Variants in ADCY8 observed in about 807,000 individuals in gnomAD.
ADCY8 encodes the protein adenylate cyclase type 8.
ADCY8 carries 51 observed loss-of-function variants against 119.7 expected under a neutral mutation model. The ratio of observed to expected loss-of-function variants is 0.43; its 90% CI spans 0.34 to 0.54. ADCY8 has a LOEUF of 0.54. Ranked by LOEUF, ADCY8 falls within the 20% of genes least tolerant of loss-of-function variation. ADCY8 has a pLI of 0.03. For missense variants in ADCY8, 1,383 were observed against 1,598.8 expected, an observed-to-expected ratio of 0.87 and a Z score of 2.30; for synonymous variants, 665 against 651.0, an observed-to-expected ratio of 1.02 and a Z score of -0.33.
intron 1 of ADCY8, among the ~76,000 whole-genome samples, chr8:130,995,313 GAACT>G (rs1408662664): frequency 1.3e-5 from 2 of 152,280 alleles, no homozygotes; most frequent in Admixed American, 6.5e-5. Context: ...GAGAAGGAAA[GAACT>G]AACATGTACT....
Position 130,904,246 on chromosome 8 carries a change from C to T in ADCY8, c.1641-204G>A, listed in dbSNP as rs375931170. Among the ~76,000 whole-genome samples the T allele has an allele frequency of 1.4e-3, 218 of 152,318 alleles. 2 individuals carry two copies. The highest frequency in any genetic ancestry group is 3.4e-3 in the Middle Eastern group (1 of 294). On this transcript the variant is annotated intron_variant, in intron 6 of 17. Coordinates refer to ENST00000286355, the MANE Select transcript of ADCY8 (RefSeq NM_001115.3). The stretch of plus-strand genomic sequence containing the variant: ...TTCATGAGCACAGTATCACGGACAT[C>T]GTCCCAAGAGACACTGCTGCCTCTG...
chr8:130,847,395 C>G (rs1433280264), intron 11 of ADCY8, 29 bp downstream of exon 11: 1 of 1,539,328 alleles, frequency 6.5e-7, no homozygotes, highest in Non-Finnish European at 9.0e-7. Context: ...ATGTCCAACT[C>G]TCACCAAGGG....
intron 9 of ADCY8, among the ~76,000 whole-genome samples, chr8:130,857,300 T>A (rs1471870325): frequency 6.7e-6 from 1 of 150,308 alleles, no homozygotes; most frequent in East Asian, 2.0e-4. Flanking sequence ...CCAATGATAA[T>A]CCTCTCTGTC....
intron 7 of ADCY8, among the ~76,000 whole-genome samples, chr8:130,887,697 C>T (rs1333087555): frequency 6.6e-6 from 1 of 152,142 alleles, no homozygotes; most frequent in Non-Finnish European, 1.5e-5. Flanking sequence ...AGGAAATCAT[C>T]TGCTTTCATT....
At chr8:130,892,361 G>A (rs188634047) in intron 7 of ADCY8, 8 of 152,178 alleles carry the variant, frequency 5.3e-5, no homozygotes, top group African/African-American at 1.7e-4. Context: ...GGGATGAAGG[G>A]ATCTGTGACA....
At chr8:130,987,935 T>C (rs1392341044) in intron 2 of ADCY8, among the ~76,000 whole-genome samples, 1 of 152,190 alleles carries the variant, frequency 6.6e-6, no homozygotes, top group African/African-American at 2.4e-5. Flanking sequence ...TGTTGACTGA[T>C]TCATATAAAT....
intron 15 of ADCY8, among the ~76,000 whole-genome samples, chr8:130,793,570 T>C (rs28751919): frequency 0.011 from 1,636 of 152,366 alleles, 31 homozygotes; most frequent in African/African-American, 0.037. Context: ...TCATTATATC[T>C]TGTGCGCCCA....
At chr8:130,848,174 T>C (rs1024909445) in intron 10 of ADCY8, among the ~76,000 whole-genome samples, 1 of 152,180 alleles carries the variant, frequency 6.6e-6, no homozygotes, top group African/African-American at 2.4e-5. Context: ...TGGTGACTGG[T>C]GGATCTGAGA....
intron 6 of ADCY8, among the ~76,000 whole-genome samples, chr8:130,904,627 A>G (rs569073109): frequency 7.1e-4 from 108 of 152,312 alleles, no homozygotes; most frequent in Non-Finnish European, 1.2e-3. Context: ...AATTTCCCCT[A>G]TAACATGTAT....
intron 12 of ADCY8, among the ~76,000 whole-genome samples, chr8:130,834,483 T>C (rs182832871): frequency 2.0e-5 from 3 of 152,296 alleles, no homozygotes; most frequent in East Asian, 3.9e-4. Flanking sequence ...AATTTGGCAA[T>C]ATTTTAAAAA....
At chr8:130,879,813 G>A (rs980947360) in intron 8 of ADCY8, among the ~76,000 whole-genome samples, 18 of 152,200 alleles carry the variant, frequency 1.2e-4, no homozygotes, top group African/African-American at 3.9e-4. Flanking sequence ...ACTATGTTAC[G>A]AAGCCCTGTG....
At chr8:130,974,055 A>C (rs1822000089) in intron 2 of ADCY8, among the ~76,000 whole-genome samples, 1 of 152,252 alleles carries the variant, frequency 6.6e-6, no homozygotes, top group African/African-American at 2.4e-5. Flanking sequence ...TAATATGTGT[A>C]TACAAAGTGC....
intron 2 of ADCY8, among the ~76,000 whole-genome samples, chr8:130,982,492 T>C (rs1303513320): frequency 6.6e-6 from 1 of 152,212 alleles, no homozygotes; most frequent in African/African-American, 2.4e-5. Context: ...TCAGGCATTA[T>C]GTTATTTGTC....
intron 7 of ADCY8, 32 bp from the exon 8 acceptor site, chr8:130,884,793 C>T: frequency 1.3e-6 from 2 of 1,591,272 alleles, no homozygotes. Flanking sequence ...ACACAATAAA[C>T]CTGCTAGTCC....
chr8:130,799,913 C>A lies in ADCY8; in HGVS notation c.3060+513G>T, dbSNP rs535459867. 2.8e-5 allele frequency among the ~76,000 whole-genome samples: 4 copies of A among 143,108 alleles called. No individual in the cohort carries two copies. The South Asian group carries it at 8.9e-4, about 32-fold the overall frequency. The allele number at this position is 143,108 out of a possible 152,430, so 93.9% of individuals were successfully genotyped here. On this transcript the variant is annotated intron_variant, in intron 15 of 17. Coordinates refer to ENST00000286355, the MANE Select transcript of ADCY8 (RefSeq NM_001115.3). ...ACTTGTGTCAAGTTTATGAATGGAA[C>A]TGAAGTGCAGCGTGAGCATTTCCCC...
chr8:130,939,042 G>T (rs1456827453), intron 4 of ADCY8, among the ~76,000 whole-genome samples: 3 of 152,050 alleles, frequency 2.0e-5, no homozygotes, highest in Non-Finnish European at 2.9e-5. Flanking sequence ...TGGAGTCAGT[G>T]GGACTGTTAT....
At chr8:131,031,822 T>C (rs1222493986) in intron 1 of ADCY8, among the ~76,000 whole-genome samples, 11 of 152,200 alleles carry the variant, frequency 7.2e-5, no homozygotes, top group Non-Finnish European at 4.4e-5. Flanking sequence ...GGTTTTGTTA[T>C]AGCAGCATAA....
intron 8 of ADCY8, among the ~76,000 whole-genome samples, chr8:130,883,514 T>C (rs946515445): frequency 2.0e-5 from 3 of 152,168 alleles, no homozygotes; most frequent in Admixed American, 1.3e-4. Flanking sequence ...AAGAAGCTCA[T>C]TGGGAATGCT....
chr8:131,030,807 A>AT (rs1160392242), intron 1 of ADCY8, among the ~76,000 whole-genome samples: 5 of 152,156 alleles, frequency 3.3e-5, no homozygotes, highest in African/African-American at 4.8e-5. Flanking sequence ...CAGCAAAATC[A>AT]TTTTTTGGCC....
Sources: gnomAD v4.1 joint callset for allele counts (sites outside exome capture counted in the v4.1 genomes callset) on GRCh38, gnomAD v4.1.1 for gene constraint, MANE v1.5 for transcripts, NCBI Gene and HGNC (gene_info 2026-07-23, HGNC 2026-07-21) for gene names.